The following MYO5A variants were observed in gnomAD, a reference collection of about 807,000 sequenced individuals.
MYO5A encodes unconventional myosin-Va.
Under a neutral mutation model 249.7 loss-of-function variants are expected in MYO5A, and 98 were observed. The observed-to-expected ratio is 0.39, with a 90% CI of 0.33 to 0.46. The LOEUF (loss-of-function observed/expected upper bound fraction) is 0.46, where lower values mean the gene tolerates loss of function less well. Among genes scored for constraint, MYO5A ranks in the 20% least tolerant of loss-of-function variants. The pLI is 0.98. For synonymous variants in MYO5A, 778 were observed against 810.6 expected, an observed-to-expected ratio of 0.96 and a Z score of 0.68; for missense variants, 1,696 against 2,308.8, an observed-to-expected ratio of 0.73 and a Z score of 5.44.
At chr15:52,399,771 T>A (rs149466484) in intron 9 of MYO5A, among the ~76,000 whole-genome samples, 1 of 152,288 alleles carries the variant, frequency 6.6e-6, no homozygotes, top group Non-Finnish European at 1.5e-5. Flanking sequence ...ATCCATCACT[T>A]AGGTAGTGTG....
intron 20 of MYO5A, 56 bp from the exon 21 acceptor site, chr15:52,372,419 A>T: frequency 2.5e-6 from 4 of 1,593,624 alleles, no homozygotes; most frequent in Non-Finnish European, 3.4e-6. Flanking sequence ...ACTCATGATT[A>T]TCAATCTATG....
intron 1 of MYO5A, among the ~76,000 whole-genome samples, chr15:52,480,617 A>G (rs146391407): frequency 6.6e-6 from 1 of 152,342 alleles, no homozygotes; most frequent in East Asian, 1.9e-4. Flanking sequence ...ACAAATGGCA[A>G]GAGGAAAGCA....
chr15:52,357,825 C>T (rs150532799), intron 25 of MYO5A, among the ~76,000 whole-genome samples: 62 of 152,260 alleles, frequency 4.1e-4, no homozygotes, highest in African/African-American at 1.4e-3. Flanking sequence ...AGGACTTTGT[C>T]ACCCAGGGCT....
intron 11 of MYO5A, among the ~76,000 whole-genome samples, chr15:52,393,915 A>G (rs1156509907): frequency 1.3e-5 from 2 of 152,208 alleles, no homozygotes; most frequent in African/African-American, 4.8e-5. Flanking sequence ...ATTAATTTAT[A>G]TGTAGTCTCA....
chr15:52,453,101 C>T (rs1035261682), intron 1 of MYO5A, among the ~76,000 whole-genome samples: 1 of 151,604 alleles, frequency 6.6e-6, no homozygotes, highest in African/African-American at 2.4e-5. Flanking sequence ...TACATTTGAC[C>T]CAAATGAGGC....
At chr15:52,482,324 T>C (rs948710399) in intron 1 of MYO5A, among the ~76,000 whole-genome samples, 4 of 152,216 alleles carry the variant, frequency 2.6e-5, no homozygotes, top group African/African-American at 4.8e-5. Context: ...CAGAAGGGAA[T>C]AGAACTCATA....
chr15:52,524,744 T>A (rs1292494182), intron 1 of MYO5A, among the ~76,000 whole-genome samples: 1 of 151,972 alleles, frequency 6.6e-6, no homozygotes. Flanking sequence ...GGTGCATAGC[T>A]GTGGTCCCAG....
At chr15:52,425,103 TCA>T in intron 4 of MYO5A, among the ~76,000 whole-genome samples, 1 of 152,276 alleles carries the variant, frequency 6.6e-6, no homozygotes, top group South Asian at 2.1e-4. Context: ...GAAAAAAATT[TCA>T]CACTTTCCTT....
At chr15:52,470,084 G>C (rs938920329) in intron 1 of MYO5A, among the ~76,000 whole-genome samples, 1 of 152,162 alleles carries the variant, frequency 6.6e-6, no homozygotes, top group Non-Finnish European at 1.5e-5. Flanking sequence ...CTTTCACAGC[G>C]TTTTCTATAA....
chr15:52,511,948 G>A (rs2077397450), intron 1 of MYO5A, among the ~76,000 whole-genome samples: 1 of 152,094 alleles, frequency 6.6e-6, no homozygotes, highest in African/African-American at 2.4e-5. Flanking sequence ...CAGATCATGA[G>A]GTCAGGAGAT....
intron 1 of MYO5A, among the ~76,000 whole-genome samples, chr15:52,473,246 A>AT (rs1294707674): frequency 6.6e-6 from 1 of 151,662 alleles, no homozygotes; most frequent in Non-Finnish European, 1.5e-5. Flanking sequence ...GGGCTGTTTG[A>AT]TTTTTTCTTG....
chr15:52,449,825 C>T (rs1326799405), intron 1 of MYO5A, among the ~76,000 whole-genome samples: 2 of 152,066 alleles, frequency 1.3e-5, no homozygotes, highest in Non-Finnish European at 2.9e-5. Flanking sequence ...CACAGTGAGA[C>T]CTCACCTCTA....
Position 52,319,198 on chromosome 15 carries a change from A to T in MYO5A, c.5096T>A (p.Val1699Asp), listed in dbSNP as rs918808525. 4.3e-6 allele frequency: 7 copies of T among 1,614,092 alleles called. No homozygotes were observed. Among genetic ancestry groups the T allele is most frequent in the Non-Finnish European group, 5.1e-6 (6 of 1,180,002 alleles). Reference sequence around the variant, plus strand: ...AGGGTCCATGCCATGCTGACACATGACCGAGTGGAAGGAGTTGAGCTGCCG... The same window carrying T: ...AGGGTCCATGCCATGCTGACACATGTCCGAGTGGAAGGAGTTGAGCTGCCG... ...ILRQLNSFHS[V>D]MCQHGMDPEL... is the part of the protein sequence containing the mutation. The change falls in exon 39 of 42, where the codon GTC becomes GAC. Residue 1699 changes from valine to aspartate, a missense_variant. Physicochemically the swap from Val to Asp is radical, Grantham distance 152. Coordinates refer to ENST00000399233, the MANE Select transcript of MYO5A (RefSeq NM_001382347.1).
chr15:52,385,534 T>C (rs1324161127), intron 14 of MYO5A, among the ~76,000 whole-genome samples: 1 of 152,066 alleles, frequency 6.6e-6, no homozygotes, highest in Non-Finnish European at 1.5e-5. Context: ...AAATATCAAA[T>C]AAAGCACCTT....
chr15:52,349,745 G>A (rs914109030), intron 28 of MYO5A, among the ~76,000 whole-genome samples: 1 of 152,074 alleles, frequency 6.6e-6, no homozygotes, highest in Non-Finnish European at 1.5e-5. Flanking sequence ...AAGAAAACTA[G>A]AGAAAGGAAT....
At chr15:52,393,445 G>A (rs1384436089) in intron 11 of MYO5A, among the ~76,000 whole-genome samples, 1 of 151,222 alleles carries the variant, frequency 6.6e-6, no homozygotes, top group Non-Finnish European at 1.5e-5. Context: ...CCAGGCTGGA[G>A]TGCAGTGGCA....
At chr15:52,314,653 T>A (rs1220805190) in intron 40 of MYO5A, among the ~76,000 whole-genome samples, 1 of 152,232 alleles carries the variant, frequency 6.6e-6, no homozygotes, top group Admixed American at 6.5e-5. Context: ...GCCGTATTAA[T>A]ACAATTATCT....
In MYO5A at chr15:52,353,508, C is replaced by T. The variant is rs2040054143; in HGVS notation, c.3621+97G>A. On this transcript the variant is annotated intron_variant, in intron 27 of 41. Coordinates refer to ENST00000399233, the MANE Select transcript of MYO5A (RefSeq NM_001382347.1). ...AAGCTAGGACCTCTGGTGCAATCTC[C>T]AACCCTTAAGGATGTTCTCTGAGAA... The T allele has an allele frequency of 2.9e-6, 3 of 1,046,156 alleles. No individual in the cohort carries two copies. In the African/African-American group the frequency reaches 4.7e-5, roughly 16 times the overall value. 64.8% of individuals were successfully genotyped at this position (1,046,156 alleles called of 1,614,324 possible). A position where few individuals can be genotyped will look rare whatever the true frequency, so the allele number is the denominator to read the frequency against.
At chr15:52,392,346 AAACTG>A (rs2042276843) in intron 11 of MYO5A, among the ~76,000 whole-genome samples, 2 of 152,362 alleles carry the variant, frequency 1.3e-5, no homozygotes, top group South Asian at 4.1e-4. Context: ...TATATTTTCA[AAACTG>A]CACTATGTAC....
Sources: allele counts gnomAD v4.1 joint callset (sites outside exome capture counted in the v4.1 genomes callset), GRCh38; gene constraint gnomAD v4.1.1; transcripts MANE v1.5; gene names NCBI Gene and HGNC (gene_info 2026-07-23, HGNC 2026-07-21).